ST8SIA1: variants seen among roughly 807,000 people sequenced by gnomAD.
ST8SIA1 encodes ST8 alpha-N-acetyl-neuraminide alpha-2,8-sialyltransferase 1, also known as alpha-N-acetylneuraminide alpha-2,8-sialyltransferase.
In ST8SIA1, 16 loss-of-function variants were observed where a neutral mutation model predicts 35.9. That is an observed-to-expected ratio of 0.45 (90% CI 0.30 to 0.68). ST8SIA1 has a LOEUF of 0.68. Among genes scored for constraint, ST8SIA1 ranks in the 30% least tolerant of loss-of-function variants. ST8SIA1 has a pLI of 0.09. For missense variants in ST8SIA1, 383 were observed against 453.6 expected (o/e 0.84, Z 1.41); for synonymous variants, 170 against 169.6 (o/e 1.00, Z -0.02).
chr12:22,269,288 T>C (rs1259181960), intron 2 of ST8SIA1, among the ~76,000 whole-genome samples: 2 of 152,092 alleles, frequency 1.3e-5, no homozygotes, highest in Admixed American at 6.5e-5. Flanking sequence ...AATTCAGGAT[T>C]CTAACTGACA....
At chr12:22,273,903 T>A (rs1865940088) in intron 2 of ST8SIA1, among the ~76,000 whole-genome samples, 1 of 152,172 alleles carries the variant, frequency 6.6e-6, no homozygotes, top group South Asian at 2.1e-4. Flanking sequence ...GCAACTTCAA[T>A]CAAATACTTA....
At chr12:22,286,593 C>A in intron 2 of ST8SIA1, 1 of 485,384 alleles carries the variant, frequency 2.1e-6, no homozygotes, top group South Asian at 1.5e-5. Flanking sequence ...CATTTTATTT[C>A]AATGCCCAGA....
At chr12:22,219,926 C>T (rs1031748310) in intron 4 of ST8SIA1, among the ~76,000 whole-genome samples, 11 of 152,136 alleles carry the variant, frequency 7.2e-5, no homozygotes, top group African/African-American at 2.7e-4. Context: ...TTCACATGAA[C>T]CTTTTTAATC....
At chr12:22,235,990 T>C (rs759319084) in intron 4 of ST8SIA1, among the ~76,000 whole-genome samples, 1 of 152,098 alleles carries the variant, frequency 6.6e-6, no homozygotes, top group African/African-American at 2.4e-5. Context: ...TGAAGAGTCA[T>C]AGAACTTAAG....
rs534558416 is a variant in ST8SIA1 at position 22,331,270 on chromosome 12, A to G, written c.236+2727T>C. 2.6e-5 allele frequency among the ~76,000 whole-genome samples: 4 copies of G among 152,358 alleles called. No homozygotes were observed. In the South Asian group the frequency reaches 6.2e-4, roughly 24 times the overall value. Reference sequence around the variant, plus strand: ...ATTTGTGTGTCAATCATCCTCTACTAGGAGGAAAGCTCTTAGAGGAGGCAA... The same window carrying G: ...ATTTGTGTGTCAATCATCCTCTACTGGGAGGAAAGCTCTTAGAGGAGGCAA... On this transcript the variant is annotated intron_variant, in intron 1 of 4. Transcript: ENST00000396037.
intron 1 of ST8SIA1, among the ~76,000 whole-genome samples, chr12:22,316,823 G>A (rs1245267714): frequency 6.6e-6 from 1 of 152,030 alleles, no homozygotes; most frequent in Non-Finnish European, 1.5e-5. Context: ...CCCCTCGCAG[G>A]AAAAGAGAGC....
intron 1 of ST8SIA1, among the ~76,000 whole-genome samples, chr12:22,312,027 T>A (rs1204895579): frequency 4.6e-5 from 7 of 152,162 alleles, no homozygotes; most frequent in Admixed American, 4.6e-4. Flanking sequence ...GCACCCAACC[T>A]ACCAGGCTTT....
intron 3 of ST8SIA1, among the ~76,000 whole-genome samples, chr12:22,249,353 G>A (rs1480499332): frequency 6.6e-6 from 1 of 151,658 alleles, no homozygotes; most frequent in Non-Finnish European, 1.5e-5. Context: ...CGAGTAGCTG[G>A]GACTACAGGC....
intron 1 of ST8SIA1, chr12:22,333,770 A>G (rs1866799660): frequency 2.7e-6 from 2 of 738,640 alleles, no homozygotes; most frequent in South Asian, 2.9e-5. Context: ...GAGTCTTTAC[A>G]TGCGCAAAGC....
rs142247717 is a variant in ST8SIA1 at position 22,320,061 on chromosome 12, T to C, written c.236+13936A>G. ...CTCAGTTGAGCATTTCCATATGACA[T>C]AGACCTGCAGAGATCCTTTAAGAAA... On this transcript the variant is annotated intron_variant, in intron 1 of 4. Coordinates refer to ENST00000396037, the MANE Select transcript of ST8SIA1 (RefSeq NM_003034.4). 8.8e-3 allele frequency among the ~76,000 whole-genome samples: 1,336 copies of C among 152,284 alleles called. 14 individuals carry two copies. The highest frequency in any genetic ancestry group is 0.02 in the South Asian group (95 of 4,822).
intron 1 of ST8SIA1, among the ~76,000 whole-genome samples, chr12:22,329,161 TGAGA>T (rs1866724429): frequency 6.6e-6 from 1 of 152,150 alleles, no homozygotes; most frequent in African/African-American, 2.4e-5. Flanking sequence ...AGCCAAATCA[TGAGA>T]GAGATGTATA....
intron 2 of ST8SIA1, among the ~76,000 whole-genome samples, chr12:22,265,386 A>C (rs1290592435): frequency 6.6e-6 from 1 of 152,228 alleles, no homozygotes; most frequent in African/African-American, 2.4e-5. Context: ...TGGAAATACC[A>C]CTGAAAGATT....
chr12:22,279,133 T>G (rs1414179554), intron 2 of ST8SIA1, among the ~76,000 whole-genome samples: 2 of 152,150 alleles, frequency 1.3e-5, no homozygotes, highest in African/African-American at 2.4e-5. Context: ...TATATACACC[T>G]GAACCTACAG....
At chr12:22,298,440 G>A (rs1373508229) in intron 1 of ST8SIA1, among the ~76,000 whole-genome samples, 2 of 152,140 alleles carry the variant, frequency 1.3e-5, no homozygotes, top group Non-Finnish European at 2.9e-5. Context: ...ACACCCAGCT[G>A]GGTCCACCAC....
At chr12:22,269,466 T>C (rs1865886317) in intron 2 of ST8SIA1, among the ~76,000 whole-genome samples, 1 of 152,214 alleles carries the variant, frequency 6.6e-6, no homozygotes, top group Non-Finnish European at 1.5e-5. Flanking sequence ...CCCATATGAA[T>C]ACTATTGTAA....
intron 1 of ST8SIA1, among the ~76,000 whole-genome samples, chr12:22,332,689 C>T (rs970731315): frequency 2.6e-5 from 4 of 152,286 alleles, no homozygotes; most frequent in Admixed American, 6.5e-5. Context: ...AATGCAGTTG[C>T]CTTCCTCTAA....
chr12:22,264,231 CTCCT>C (rs1865822383), intron 2 of ST8SIA1, among the ~76,000 whole-genome samples: 1 of 152,058 alleles, frequency 6.6e-6, no homozygotes, highest in South Asian at 2.1e-4. Context: ...TAATTATGCC[CTCCT>C]TAACATATTT....
chr12:22,245,825 G>A (rs954650440), intron 4 of ST8SIA1, among the ~76,000 whole-genome samples: 6 of 152,138 alleles, frequency 3.9e-5, no homozygotes, highest in Non-Finnish European at 8.8e-5. Context: ...GATCACCAGT[G>A]GTTAATGGTT....
intron 2 of ST8SIA1, among the ~76,000 whole-genome samples, chr12:22,257,547 G>T (rs11046350): frequency 0.52 from 78,246 of 151,472 alleles, 20,642 homozygotes; most frequent in Middle Eastern, 0.75. Context: ...TTTTAATAGG[G>T]TGATCAGGGA....
Sources: gnomAD v4.1 joint callset for allele counts (sites outside exome capture counted in the v4.1 genomes callset) on GRCh38, gnomAD v4.1.1 for gene constraint, MANE v1.5 for transcripts, NCBI Gene and HGNC (gene_info 2026-07-23, HGNC 2026-07-21) for gene names.